TM4SF4: variants seen among roughly 807,000 people sequenced by gnomAD.
TM4SF4 encodes transmembrane 4 L six family member 4, also known as transmembrane 4 L6 family member 4.
TM4SF4 carries 24 observed loss-of-function variants against 24.1 expected under a neutral mutation model. That is an observed-to-expected ratio of 1.00 (90% CI 0.72 to 1.40). The LOEUF (loss-of-function observed/expected upper bound fraction) is 1.40. Among genes scored for constraint, TM4SF4 ranks in the 40% most tolerant of loss-of-function variants. TM4SF4 has a pLI of 0.00. For synonymous variants in TM4SF4, 113 were observed against 97.0 expected, an observed-to-expected ratio of 1.17 and a Z score of -0.97; for missense variants, 254 against 254.2, an observed-to-expected ratio of 1.00 and a Z score of 0.01.
chr3:149,484,513 A>G (rs566514063), intron 2 of TM4SF4, among the ~76,000 whole-genome samples: 4 of 151,312 alleles, frequency 2.6e-5, no homozygotes, highest in South Asian at 2.1e-4. Flanking sequence ...CCTCTTGAGT[A>G]ACTGGGATTA....
At chr3:149,487,236 C>T (rs561357557) in intron 2 of TM4SF4, among the ~76,000 whole-genome samples, 3 of 152,192 alleles carry the variant, frequency 2.0e-5, no homozygotes, top group Admixed American at 2.0e-4. Flanking sequence ...GACTGAGCGA[C>T]AAGGGTGAAA....
At chr3:149,476,252 A>G (rs1733926563) in intron 2 of TM4SF4, among the ~76,000 whole-genome samples, 2 of 152,188 alleles carry the variant, frequency 1.3e-5, no homozygotes, top group South Asian at 4.1e-4. Context: ...GGCCATAAGA[A>G]CTTGGACAAG....
At chr3:149,489,892 C>G (rs922552300) in intron 3 of TM4SF4, among the ~76,000 whole-genome samples, 9 of 151,976 alleles carry the variant, frequency 5.9e-5, no homozygotes, top group African/African-American at 1.9e-4. Flanking sequence ...CTCTATTTAT[C>G]TCCTGTTCAC....
intron 2 of TM4SF4, among the ~76,000 whole-genome samples, chr3:149,477,656 G>A (rs1305462668): frequency 6.6e-6 from 1 of 152,096 alleles, no homozygotes; most frequent in African/African-American, 2.4e-5. Flanking sequence ...AAAAAGTATT[G>A]ATGATTGTTA....
chr3:149,501,756 A>G (rs1734430902), intron 4 of TM4SF4, among the ~76,000 whole-genome samples: 1 of 152,224 alleles, frequency 6.6e-6, no homozygotes, highest in Non-Finnish European at 1.5e-5. Context: ...AGTTATTCCA[A>G]CTGCCTCTTG....
Position 149,487,756 on chromosome 3 carries a change from G to T in TM4SF4, c.401+1G>T, listed in dbSNP as rs1406311633. On this transcript the variant is annotated splice_donor_variant, in intron 3 of 4. Transcript: ENST00000305354. LOFTEE classifies it high-confidence loss of function. The stretch of plus-strand genomic sequence containing the variant: ...CATGGGGCTACCCCTTCCACGACGG[G>T]TAAGGCCACACCCTGCAATGCCCAC... The T allele has an allele frequency of 2.5e-6, 4 of 1,613,908 alleles. No homozygotes were observed. Among genetic ancestry groups the T allele is most frequent in the Non-Finnish European group, 3.4e-6 (4 of 1,179,812 alleles).
chr3:149,502,817 C>T lies in TM4SF4; in HGVS notation c.*124C>T. The stretch of plus-strand genomic sequence containing the variant: ...CCTAGCTGATAAAGCTTAGAAAAGG[C>T]AGTTATTCCTTCTTTCCAACCAGCT... On this transcript the variant is annotated 3_prime_UTR_variant, in exon 5 of 5. Transcript: ENST00000305354. 2 of 689,140 alleles carry T rather than the reference C, an allele frequency of 2.9e-6. No homozygotes were observed. Among genetic ancestry groups the T allele is most frequent in the Non-Finnish European group, 5.0e-6 (2 of 399,912 alleles). 42.7% of individuals were successfully genotyped at this position (689,140 alleles called of 1,614,324 possible).
In TM4SF4 at chr3:149,487,707, C is replaced by T. The variant is rs774371962; in HGVS notation, c.353C>T (p.Pro118Leu). 1 of 1,614,040 alleles carries T rather than the reference C, an allele frequency of 6.2e-7. No individual in the cohort carries two copies. The highest frequency in any genetic ancestry group is 1.1e-5 in the South Asian group (1 of 91,090). Residue 118 changes from proline (P) to leucine (L), a missense_variant, in exon 3 of 5, where the codon CCT becomes CTT. Coordinates refer to ENST00000305354, the MANE Select transcript of TM4SF4 (RefSeq NM_004617.4). ...TCAGCCATTTCAATCAACAAGGGTC[C>T]TAAATGCCTCATGGCCAATAGTACA... ...IISAISINKGPKCLMANSTWG... is the reference protein window; with the variant it reads ...IISAISINKGLKCLMANSTWG...
At chr3:149,499,897 T>G (rs1267811371) in intron 4 of TM4SF4, among the ~76,000 whole-genome samples, 2 of 152,104 alleles carry the variant, frequency 1.3e-5, no homozygotes, top group Admixed American at 6.5e-5. Flanking sequence ...AATAAATACA[T>G]TTATTTTAAA....
chr3:149,479,100 T>A (rs1164572867), intron 2 of TM4SF4, among the ~76,000 whole-genome samples: 1 of 152,114 alleles, frequency 6.6e-6, no homozygotes, highest in African/African-American at 2.4e-5. Context: ...TCCCAATTTT[T>A]AAAAATTCAG....
intron 2 of TM4SF4, among the ~76,000 whole-genome samples, chr3:149,481,837 T>C (rs780705288): frequency 6.6e-6 from 1 of 152,238 alleles, no homozygotes; most frequent in Non-Finnish European, 1.5e-5. Context: ...TCTTTAACCA[T>C]GTGAGCAGAA....
At chr3:149,495,789 A>G (rs1734299461) in intron 3 of TM4SF4, 2 of 218,646 alleles carry the variant, frequency 9.1e-6, no homozygotes, top group South Asian at 1.4e-4. Context: ...CAGGCCTTAA[A>G]TTCTCGAAAT....
intron 2 of TM4SF4, among the ~76,000 whole-genome samples, chr3:149,476,528 G>A (rs1219712611): frequency 6.6e-6 from 1 of 152,152 alleles, no homozygotes; most frequent in Non-Finnish European, 1.5e-5. Context: ...AAGAATGCTG[G>A]GACATGGGGA....
At chr3:149,495,563 C>T (rs1025297629) in intron 3 of TM4SF4, 13 of 368,588 alleles carry the variant, frequency 3.5e-5, no homozygotes, top group Admixed American at 9.5e-5. Context: ...GTGTTAAGAA[C>T]GCATCTGTCA....
At chr3:149,500,626 T>A (rs1734400411) in intron 4 of TM4SF4, among the ~76,000 whole-genome samples, 1 of 152,186 alleles carries the variant, frequency 6.6e-6, no homozygotes. Flanking sequence ...CCAAAGTGAA[T>A]GAATGTTTGC....
chr3:149,500,474 T>G (rs1734397267), intron 4 of TM4SF4, among the ~76,000 whole-genome samples: 1 of 152,146 alleles, frequency 6.6e-6, no homozygotes, highest in African/African-American at 2.4e-5. Context: ...ATTCTACAAA[T>G]TTTCAGTTCT....
At chr3:149,494,581 G>C (rs144531882) in intron 3 of TM4SF4, 4 of 150,798 alleles carry the variant, frequency 2.7e-5, no homozygotes, top group African/African-American at 9.8e-5. Flanking sequence ...TTTCATGTTG[G>C]AAAAAAAAAG....
intron 2 of TM4SF4, among the ~76,000 whole-genome samples, chr3:149,484,087 T>C (rs1432653791): frequency 2.0e-5 from 3 of 152,164 alleles, no homozygotes; most frequent in African/African-American, 7.2e-5. Context: ...GGCCCGTTTA[T>C]TTTAAAATAA....
At chr3:149,498,194 T>A (rs545407870) in intron 3 of TM4SF4, among the ~76,000 whole-genome samples, 1 of 152,318 alleles carries the variant, frequency 6.6e-6, no homozygotes, top group African/African-American at 2.4e-5. Context: ...ATATGACACA[T>A]TTGTACTTTA....
Sources: gnomAD v4.1 joint callset for allele counts (sites outside exome capture counted in the v4.1 genomes callset) on GRCh38, gnomAD v4.1.1 for gene constraint, MANE v1.5 for transcripts, NCBI Gene and HGNC (gene_info 2026-07-23, HGNC 2026-07-21) for gene names.